The following CHD8 variants were observed in gnomAD, a reference collection of about 807,000 sequenced individuals.
The protein encoded by CHD8 is ATP-dependent chromatin remodeler CHD8.
Under a neutral mutation model 279.2 loss-of-function variants are expected in CHD8, and 31 were observed. The ratio of observed to expected loss-of-function variants is 0.11; its 90% CI spans 0.08 to 0.15. The LOEUF is 0.15. Ranked by LOEUF, CHD8 falls within the 10% of genes least tolerant of loss-of-function variation. The probability of loss-of-function intolerance (pLI) is 1.00; values close to 1 mark genes in which losing one functional copy is unlikely to be tolerated. For synonymous variants in CHD8, 1,081 were observed against 1,139.6 expected, an observed-to-expected ratio of 0.95 and a Z score of 1.04; for missense variants, 2,146 against 3,230.5, an observed-to-expected ratio of 0.66 and a Z score of 8.14.
intron 5 of CHD8, among the ~76,000 whole-genome samples, chr14:21,418,329 C>T (rs1888838461): frequency 6.6e-6 from 1 of 150,592 alleles, no homozygotes; most frequent in Non-Finnish European, 1.5e-5. Flanking sequence ...ACCAGCCTGT[C>T]CAACATGGTG....
chr14:21,443,171 C>T (rs1890026571), intron 1 of CHD8, among the ~76,000 whole-genome samples: 1 of 152,028 alleles, frequency 6.6e-6, no homozygotes, highest in Non-Finnish European at 1.5e-5. Context: ...GCGGGAGGAT[C>T]ACCAGGTCAG....
In CHD8 at chr14:21,456,051, TC is replaced by T. The variant is rs1890382564; in HGVS notation, c.-236del. The T allele has an allele frequency of 6.6e-6, 1 of 152,048 alleles. No individual in the cohort carries two copies. The highest frequency in any genetic ancestry group is 1.5e-5 in the Non-Finnish European group (1 of 68,108). The allele number at this position is 152,048 out of a possible 1,614,324, so 9.4% of individuals were successfully genotyped here. On this transcript the variant is annotated 5_prime_UTR_variant, in exon 1 of 38. Transcript: ENST00000646647. Reference sequence around the variant, plus strand: ...GCCTACCTGTGCAAGTCCTGGTACTTCCTTTCCAGGCAGCGTTTCAACTCAC... The same window carrying T: ...GCCTACCTGTGCAAGTCCTGGTACTTCTTTCCAGGCAGCGTTTCAACTCAC...
intron 9 of CHD8, chr14:21,413,996 G>C: frequency 3.8e-6 from 1 of 265,848 alleles, no homozygotes; most frequent in South Asian, 5.4e-5. Context: ...ACCATCAATA[G>C]CTAAAGAAAG....
chr14:21,408,930 G>T lies in CHD8; in HGVS notation c.2365-105C>A. On this transcript the variant is annotated intron_variant, in intron 11 of 37. Transcript: ENST00000646647. This position sits in a 1 kb window ranked among gnomAD's most constrained non-coding sequence, Gnocchi z 4.3. ...AAATCAATTCAAAACAACATTGTTT[G>T]GATTAAAACATGTCAAATATATTTA... 8.7e-7 allele frequency: 1 copy of T among 1,145,456 alleles called. No homozygotes were observed. Among genetic ancestry groups the T allele is most frequent in the Non-Finnish European group, 1.2e-6 (1 of 818,146 alleles). 71.0% of individuals were successfully genotyped at this position (1,145,456 alleles called of 1,614,324 possible).
chr14:21,431,904 G>A lies in CHD8; in HGVS notation c.-215-46C>T, dbSNP rs553080037. ...CAAATGAAAAATAGGCAAAGTTGGC[G>A]ATCTCAGAGAAAATTTTCCCTTCTT... On this transcript the variant is annotated intron_variant, in intron 1 of 37. Transcript: ENST00000646647. The A allele has an allele frequency of 5.3e-4, 699 of 1,327,718 alleles. 1 individual carries two copies. The highest frequency in any genetic ancestry group is 1.4e-3 in the Middle Eastern group (8 of 5,538). The allele number at this position is 1,327,718 out of a possible 1,614,324, so 82.2% of individuals were successfully genotyped here.
At chr14:21,390,702 C>T (rs1218415342) in intron 37 of CHD8, among the ~76,000 whole-genome samples, 2 of 151,232 alleles carry the variant, frequency 1.3e-5, no homozygotes, top group Non-Finnish European at 2.9e-5. Flanking sequence ...TGCTTGAACC[C>T]GGCGGGCGGA....
rs1888059510 is a variant in CHD8 at position 21,401,947 on chromosome 14, C to T, written c.4062+10G>A. On this transcript the variant is annotated intron_variant, in intron 20 of 37. Transcript: ENST00000646647. ...GTGTTTTTCTAGCCTCTGGCATAGA[C>T]AGAACATGCCTTAGCAAAGGTGGAA... 1.9e-6 allele frequency: 3 copies of T among 1,603,740 alleles called. No homozygotes were observed. Among genetic ancestry groups the T allele is most frequent in the Non-Finnish European group, 2.5e-6 (3 of 1,176,760 alleles).
At chr14:21,411,160 A>G (rs750182873) in intron 10 of CHD8, among the ~76,000 whole-genome samples, 4 of 152,216 alleles carry the variant, frequency 2.6e-5, no homozygotes, top group Non-Finnish European at 4.4e-5. Flanking sequence ...GATTAAAAGC[A>G]TAAGACTGTC....
chr14:21,412,197 G>A (rs527802379), intron 10 of CHD8, among the ~76,000 whole-genome samples: 1 of 152,240 alleles, frequency 6.6e-6, no homozygotes, highest in Admixed American at 6.5e-5. Context: ...CAGGAATGGA[G>A]TGCAATGGCA....
chr14:21,409,756 C>T lies in CHD8; in HGVS notation c.2364+95G>A, dbSNP rs565673438. On this transcript the variant is annotated intron_variant, in intron 11 of 37. Transcript: ENST00000646647. ...TCGATTTTTATATGTTTGAAATTTC[C>T]ATAATAAAAAGCTAAAACAACAAAA... 121 of 1,173,542 alleles carry T rather than the reference C, an allele frequency of 1.0e-4. 2 individuals are homozygous for T. The highest frequency in any genetic ancestry group is 1.3e-4 in the Non-Finnish European group (105 of 828,398). The allele number at this position is 1,173,542 out of a possible 1,614,324, so 72.7% of individuals were successfully genotyped here.
At chr14:21,394,539 C>T in intron 30 of CHD8, 54 bp from the exon 31 acceptor site, 1 of 836,184 alleles carries the variant, frequency 1.2e-6, no homozygotes, top group Non-Finnish European at 1.5e-6. Context: ...CAGAAGAACA[C>T]AAGAAAACTG....
intron 1 of CHD8, among the ~76,000 whole-genome samples, chr14:21,452,622 A>G (rs528106776): frequency 6.6e-6 from 1 of 151,876 alleles, no homozygotes; most frequent in African/African-American, 2.4e-5. Context: ...CCAGCCTGGG[A>G]GACACAGGGA....
At position 21,400,928 on chromosome 14, in the gene CHD8, A is replaced by G; in HGVS notation, c.4317T>C (p.His1439=). Reference sequence around the variant, plus strand: ...GAAAGCAGTCAGTGCGCCCATAGGCATGATGACGGTCATGTCTGCGGGAGC... The same window carrying G: ...GAAAGCAGTCAGTGCGCCCATAGGCGTGATGACGGTCATGTCTGCGGGAGC... ...RPRSRRHDRH[H]AYGRTDCFRV... The change falls in exon 22 of 38, where the codon CAT becomes CAC. Residue 1439 remains histidine (H), a synonymous_variant. Transcript: ENST00000646647. This position sits in a 1 kb window ranked among gnomAD's most constrained non-coding sequence, Gnocchi z 4.2. 1.2e-6 allele frequency: 2 copies of G among 1,613,810 alleles called. No homozygotes were observed. The highest frequency in any genetic ancestry group is 1.7e-6 in the Non-Finnish European group (2 of 1,179,798).
intron 33 of CHD8, 131 bp downstream of exon 33, chr14:21,392,974 GA>G (rs10646956): frequency 8.5e-3 from 7,883 of 932,550 alleles, no homozygotes; most frequent in Non-Finnish European, 9.6e-3. Context: ...AAGTTTCCTG[GA>G]AAAAAAAAAA....
At chr14:21,413,164 CA>C (rs748528145) in intron 9 of CHD8, among the ~76,000 whole-genome samples, 168 bp from the exon 10 acceptor site, 65 of 152,242 alleles carry the variant, frequency 4.3e-4, no homozygotes, top group Non-Finnish European at 7.5e-4. Context: ...ATGAATTTAC[CA>C]GGGTCTATAC....
rs775667283 is a variant in CHD8, at chr14:21,408,358, C to T, written c.2684G>A (p.Ser895Asn). The T allele has an allele frequency of 6.8e-6, 11 of 1,613,810 alleles. No individual in the cohort carries two copies. Among genetic ancestry groups the T allele is most frequent in the Non-Finnish European group, 9.3e-6 (11 of 1,179,890 alleles). ...NTIVYHGSLA[S>N]RQMIQQYEMY... ...TTCATACTGTTGAATCATCTGCCTG[C>T]TGGCCAGACTGCCATGGTACACAAT... The change falls in exon 13 of 38, where the codon AGC becomes AAC. Residue 895 changes from serine to asparagine, a missense_variant. Physicochemically the swap from Ser to Asn is conservative, Grantham distance 46 (BLOSUM62 1). Transcript: ENST00000646647. This position sits in a 1 kb window ranked among gnomAD's most constrained non-coding sequence, Gnocchi z 4.3.
At chr14:21,454,186 A>AGAAAAGAAAAGAAAG (rs1890327661) in intron 1 of CHD8, among the ~76,000 whole-genome samples, 1 of 148,136 alleles carries the variant, frequency 6.8e-6, no homozygotes, top group Non-Finnish European at 1.5e-5. Flanking sequence ...AGAAAAGAAA[A>AGAAAAGAAAAGAAAG]GAAAAGAAAA....
chr14:21,394,842 T>C, intron 30 of CHD8, 70 bp downstream of exon 30: 1 of 1,485,188 alleles, frequency 6.7e-7, no homozygotes, highest in Non-Finnish European at 9.3e-7. Flanking sequence ...AAATCCTTCC[T>C]GAGATGGCTT....
chr14:21,446,997 A>G (rs551948471), intron 1 of CHD8, among the ~76,000 whole-genome samples: 3 of 152,324 alleles, frequency 2.0e-5, no homozygotes, highest in Admixed American at 6.5e-5. Flanking sequence ...TGGGCATTCA[A>G]TGTATTTTTG....
Sources: gnomAD v4.1 joint callset for allele counts (sites outside exome capture counted in the v4.1 genomes callset) on GRCh38, gnomAD v4.1.1 for gene constraint, Gnocchi (gnomAD v3.1) non-coding constraint, MANE v1.5 for transcripts, NCBI Gene and HGNC (gene_info 2026-07-23, HGNC 2026-07-21) for gene names.